The following SPP2 variants were observed in gnomAD, a reference collection of about 807,000 sequenced individuals.
SPP2 encodes secreted phosphoprotein 24.
SPP2 carries 34 observed loss-of-function variants against 28.8 expected under a neutral mutation model. That is an observed-to-expected ratio of 1.18 (90% CI 0.90 to 1.57). The LOEUF (loss-of-function observed/expected upper bound fraction) is 1.57. SPP2 is among the 40% of genes most tolerant of loss of function. SPP2 has a pLI of 0.00. For missense variants in SPP2, 269 were observed against 263.9 expected (o/e 1.02, Z -0.13); for synonymous variants, 96 against 89.4 (o/e 1.07, Z -0.42).
chr2:234,066,662 T>A (rs1693828577), intron 5 of SPP2, 75 bp downstream of exon 5: 2 of 1,078,758 alleles, frequency 1.9e-6, no homozygotes, highest in Admixed American at 2.0e-5. Context: ...TAGTGAGTCA[T>A]TTAAAACTAG....
Position 234,051,084 on chromosome 2 carries a change from TC to T in SPP2, c.200del (p.Ser67TyrfsTer2). ...SPYLFRAFRS[S>X]LKRVEVLDEN... ...GTATCTGTTTCGGGCATTCAGAAGC[TC>T]ATTAAAAAGAGTAAGTGCAAAATGA... On this transcript the variant is annotated frameshift_variant, in exon 2 of 8. Transcript: ENST00000168148. LOFTEE classifies it high-confidence loss of function. 6.2e-7 allele frequency: 1 copy of T among 1,613,708 alleles called. No individual in the cohort carries two copies. Among genetic ancestry groups the T allele is most frequent in the Non-Finnish European group, 8.5e-7 (1 of 1,179,688 alleles).
intron 2 of SPP2, among the ~76,000 whole-genome samples, chr2:234,051,446 A>C (rs1246656708): frequency 6.6e-6 from 1 of 152,200 alleles, no homozygotes; most frequent in Non-Finnish European, 1.5e-5. Context: ...CAAATTCAGC[A>C]GTTCTGCTCC....
intron 7 of SPP2, among the ~76,000 whole-genome samples, chr2:234,074,002 T>G (rs1020153880): frequency 6.6e-6 from 1 of 152,214 alleles, no homozygotes. Context: ...ATCTCATACA[T>G]TCTCTTGCAT....
chr2:234,065,772 C>T (rs1021544611), intron 4 of SPP2, among the ~76,000 whole-genome samples: 5 of 152,038 alleles, frequency 3.3e-5, no homozygotes, highest in African/African-American at 1.2e-4. Context: ...CTTTGAAGAG[C>T]AAAATTAAAT....
intron 2 of SPP2, among the ~76,000 whole-genome samples, chr2:234,057,287 C>G (rs1559172206): frequency 6.6e-6 from 1 of 152,086 alleles, no homozygotes; most frequent in African/African-American, 2.4e-5. Flanking sequence ...ACCTGACACG[C>G]TCCATCTCTC....
chr2:234,066,597 G>A lies in SPP2; in HGVS notation c.499+10G>A, dbSNP rs760368137. 3.7e-6 allele frequency: 6 copies of A among 1,602,668 alleles called. No homozygotes were observed. The highest frequency in any genetic ancestry group is 3.4e-5 in the Admixed American group (2 of 58,830). On this transcript the variant is annotated intron_variant, in intron 5 of 7. Transcript: ENST00000168148. ...AACAATTATCTATTTGGTAAGTTAA[G>A]ATCTGTTCTTTTTAACTTTTTTTCT... is the stretch of plus-strand genomic sequence containing the variant.
intron 2 of SPP2, among the ~76,000 whole-genome samples, chr2:234,058,147 C>G (rs1693644814): frequency 6.6e-6 from 1 of 152,178 alleles, no homozygotes; most frequent in Non-Finnish European, 1.5e-5. Flanking sequence ...ACCAACAGCA[C>G]TGTGACTCCT....
At chr2:234,053,611 G>C (rs1206845711) in intron 2 of SPP2, among the ~76,000 whole-genome samples, 1 of 151,498 alleles carries the variant, frequency 6.6e-6, no homozygotes, top group African/African-American at 2.4e-5. Context: ...AAGAACCACT[G>C]GGTATTACCA....
chr2:234,071,488 G>A (rs1190126785), intron 7 of SPP2, among the ~76,000 whole-genome samples: 2 of 152,324 alleles, frequency 1.3e-5, no homozygotes, highest in African/African-American at 4.8e-5. Context: ...CTAGGGATGG[G>A]ATTGGAGCAA....
intron 3 of SPP2, 32 bp from the exon 4 acceptor site, chr2:234,060,337 G>T: frequency 6.7e-7 from 1 of 1,502,426 alleles, no homozygotes; most frequent in African/African-American, 1.4e-5. Flanking sequence ...ACAAACAGCT[G>T]AAGAGAGAAC....
chr2:234,060,406 C>T lies in SPP2; in HGVS notation c.371C>T (p.Ala124Val), dbSNP rs1693694720. Residue 124 changes from alanine (A) to valine (V), a missense_variant, in exon 4 of 8, where the codon GCC (alanine) becomes GTC (valine). By Grantham distance (64) the Ala-to-Val change is moderately conservative (BLOSUM62 0). Transcript: ENST00000168148. Reference sequence around the variant, plus strand: ...TGCAGAAGCACCGTGAAGGTATCTGCCCAGCAGGTGCAGGGCGTGCATGCT... The same window carrying T: ...TGCAGAAGCACCGTGAAGGTATCTGTCCAGCAGGTGCAGGGCGTGCATGCT... ...AVCRSTVKVSAQQVQGVHARC... is the reference protein window; with the variant it reads ...AVCRSTVKVSVQQVQGVHARC... 1 of 1,613,868 alleles carries T rather than the reference C, an allele frequency of 6.2e-7. No individual in the cohort carries two copies. Among genetic ancestry groups the T allele is most frequent in the Admixed American group, 1.7e-5 (1 of 59,966 alleles).
intron 4 of SPP2, among the ~76,000 whole-genome samples, chr2:234,064,429 C>T (rs1315333779): frequency 2.6e-5 from 4 of 152,258 alleles, no homozygotes; most frequent in African/African-American, 9.6e-5. Flanking sequence ...TTGGTATTCC[C>T]TCTATTGGCC....
At chr2:234,058,688 C>A in intron 2 of SPP2, 148 bp from the exon 3 acceptor site, 1 of 874,056 alleles carries the variant, frequency 1.1e-6, no homozygotes, top group Non-Finnish European at 1.7e-6. Flanking sequence ...AGAAGAAAGG[C>A]ACGGAACTAG....
chr2:234,051,458 A>G (rs1693496906), intron 2 of SPP2, among the ~76,000 whole-genome samples: 1 of 152,154 alleles, frequency 6.6e-6, no homozygotes. Flanking sequence ...TTCTGCTCCT[A>G]ATACTTACTG....
chr2:234,071,818 T>A (rs1349166529), intron 7 of SPP2, among the ~76,000 whole-genome samples: 2 of 152,236 alleles, frequency 1.3e-5, no homozygotes, highest in African/African-American at 2.4e-5. Flanking sequence ...ACCTGACTAG[T>A]TCTGCCTCAC....
At chr2:234,060,564 G>C (rs1002904806) in intron 4 of SPP2, 85 bp downstream of exon 4, 13 of 1,076,504 alleles carry the variant, frequency 1.2e-5, no homozygotes, top group Admixed American at 1.2e-4. Context: ...TTGCTGGGTA[G>C]CTGGATCATC....
intron 5 of SPP2, 22 bp downstream of exon 5, chr2:234,066,609 T>C (rs372917410): frequency 1.3e-5 from 20 of 1,585,452 alleles, no homozygotes; most frequent in Middle Eastern, 1.7e-4. Flanking sequence ...TCTGTTCTTT[T>C]TAACTTTTTT....
At chr2:234,051,940 C>T (rs1179992638) in intron 2 of SPP2, among the ~76,000 whole-genome samples, 1 of 152,184 alleles carries the variant, frequency 6.6e-6, no homozygotes, top group African/African-American at 2.4e-5. Context: ...CCTGGACTGA[C>T]TCTTAGCTTG....
intron 6 of SPP2, among the ~76,000 whole-genome samples, chr2:234,069,253 C>A (rs761637885): frequency 4.2e-4 from 64 of 152,082 alleles, no homozygotes; most frequent in Non-Finnish European, 2.1e-4. Context: ...AAGACACAGT[C>A]TTTTATAAAC....
Sources: allele counts gnomAD v4.1 joint callset (sites outside exome capture counted in the v4.1 genomes callset), GRCh38; gene constraint gnomAD v4.1.1; transcripts MANE v1.5; gene names NCBI Gene and HGNC (gene_info 2026-07-23, HGNC 2026-07-21).